Variants in UBE2G1 observed in about 807,000 individuals in gnomAD.
The protein encoded by UBE2G1 is ubiquitin conjugating enzyme E2 G1, also known as ubiquitin-conjugating enzyme E2 G1.
A neutral mutation model predicts 22.7 loss-of-function variants in UBE2G1; 5 were observed. That is an observed-to-expected ratio of 0.22 (90% confidence interval 0.12 to 0.46). The LOEUF (loss-of-function observed/expected upper bound fraction) is 0.46, where lower values mean the gene tolerates loss of function less well. UBE2G1 is among the 20% of genes least tolerant of loss of function. The probability of loss-of-function intolerance (pLI) is 0.99; values close to 1 mark genes in which losing one functional copy is unlikely to be tolerated. For missense variants in UBE2G1, 88 were observed against 203.9 expected (o/e 0.43, Z 3.46); for synonymous variants, 74 against 67.5 (o/e 1.10, Z -0.47).
intron 1 of UBE2G1, among the ~76,000 whole-genome samples, chr17:4,321,197 C>G (rs977262077): frequency 2.0e-5 from 3 of 152,098 alleles, no homozygotes; most frequent in Admixed American, 6.6e-5. Context: ...CCTTGTACAT[C>G]TGTGGAAGTA....
chr17:4,308,452 G>C (rs1263279782), intron 1 of UBE2G1, among the ~76,000 whole-genome samples: 1 of 152,116 alleles, frequency 6.6e-6, no homozygotes, highest in Non-Finnish European at 1.5e-5. Flanking sequence ...TTGAACCCGG[G>C]AGGCAAATGT....
At chr17:4,328,543 A>C (rs1422779229) in intron 1 of UBE2G1, among the ~76,000 whole-genome samples, 1 of 152,214 alleles carries the variant, frequency 6.6e-6, no homozygotes, top group African/African-American at 2.4e-5. Flanking sequence ...AAGGCGATAA[A>C]ATAAGAGGAT....
chr17:4,313,576 T>C (rs1158631879), intron 1 of UBE2G1, among the ~76,000 whole-genome samples: 1 of 152,186 alleles, frequency 6.6e-6, no homozygotes, highest in Non-Finnish European at 1.5e-5. Flanking sequence ...TTTATAGTTC[T>C]AAAGGAGGCA....
chr17:4,286,301 A>G (rs1303816169), intron 4 of UBE2G1, among the ~76,000 whole-genome samples: 1 of 151,234 alleles, frequency 6.6e-6, no homozygotes, highest in Admixed American at 6.6e-5. Flanking sequence ...GCTACTCGGG[A>G]GGCTGAGGCA....
intron 1 of UBE2G1, among the ~76,000 whole-genome samples, chr17:4,319,672 C>A (rs561866123): frequency 6.6e-6 from 1 of 151,758 alleles, no homozygotes; most frequent in Admixed American, 6.6e-5. Flanking sequence ...GAGGTCGAGG[C>A]TGCAGTGAGC....
At chr17:4,304,000 A>G (rs1715640504) in intron 2 of UBE2G1, among the ~76,000 whole-genome samples, 2 of 152,210 alleles carry the variant, frequency 1.3e-5, no homozygotes, top group African/African-American at 4.8e-5. Context: ...TGATACAGTG[A>G]TATCCAGGTT....
intron 2 of UBE2G1, among the ~76,000 whole-genome samples, chr17:4,304,892 T>G (rs1262631637): frequency 6.6e-6 from 1 of 151,936 alleles, no homozygotes; most frequent in Non-Finnish European, 1.5e-5. Context: ...CTCTACTCTC[T>G]CCATTCCACT....
intron 1 of UBE2G1, among the ~76,000 whole-genome samples, chr17:4,355,653 A>C (rs993468721): frequency 6.6e-6 from 1 of 150,786 alleles, no homozygotes; most frequent in African/African-American, 2.4e-5. Flanking sequence ...AAAAAAAAAA[A>C]AGAAAAAAAA....
At chr17:4,296,258 C>G (rs753665273) in intron 3 of UBE2G1, among the ~76,000 whole-genome samples, 1 of 152,020 alleles carries the variant, frequency 6.6e-6, no homozygotes, top group Non-Finnish European at 1.5e-5. Context: ...TCCACATGAT[C>G]TCTGTTTCTC....
intron 4 of UBE2G1, among the ~76,000 whole-genome samples, chr17:4,284,065 G>A (rs1968928606): frequency 6.6e-6 from 1 of 150,966 alleles, no homozygotes; most frequent in Non-Finnish European, 1.5e-5. Flanking sequence ...GCTGAGGTGG[G>A]AGAATCGCTT....
At chr17:4,284,569 C>G (rs898791430) in intron 4 of UBE2G1, among the ~76,000 whole-genome samples, 1 of 152,006 alleles carries the variant, frequency 6.6e-6, no homozygotes, top group South Asian at 2.1e-4. Context: ...CCACTGCATT[C>G]CAGCCTGGGC....
chr17:4,345,276 CAAAGGT>C (rs1418227424), intron 1 of UBE2G1, among the ~76,000 whole-genome samples: 1 of 152,088 alleles, frequency 6.6e-6, no homozygotes, highest in East Asian at 1.9e-4. Context: ...AATGTTTAGC[CAAAGGT>C]AATCTAATAA....
chr17:4,310,000 T>C (rs1463834976), intron 1 of UBE2G1, among the ~76,000 whole-genome samples: 1 of 152,184 alleles, frequency 6.6e-6, no homozygotes, highest in Non-Finnish European at 1.5e-5. Flanking sequence ...ATGTAAGTAA[T>C]ACAAAAGCAA....
chr17:4,362,614 A>C (rs1234935266), intron 1 of UBE2G1, among the ~76,000 whole-genome samples: 1 of 152,210 alleles, frequency 6.6e-6, no homozygotes, highest in Non-Finnish European at 1.5e-5. Flanking sequence ...GATATATTCT[A>C]CCAAGTAATT....
chr17:4,339,025 T>C (rs1385267343), intron 1 of UBE2G1, among the ~76,000 whole-genome samples: 1 of 152,200 alleles, frequency 6.6e-6, no homozygotes, highest in Non-Finnish European at 1.5e-5. Context: ...AATGGTATTA[T>C]CCACCTCTAT....
chr17:4,352,146 AC>A (rs1369790130), intron 1 of UBE2G1, among the ~76,000 whole-genome samples: 1 of 152,104 alleles, frequency 6.6e-6, no homozygotes, highest in Non-Finnish European at 1.5e-5. Context: ...GGATCATATG[AC>A]CCCACAGGCT....
chr17:4,326,845 A>G (rs1969508342), intron 1 of UBE2G1, among the ~76,000 whole-genome samples: 1 of 152,256 alleles, frequency 6.6e-6, no homozygotes, highest in Admixed American at 6.5e-5. Context: ...AAAAGGATAA[A>G]TATTGTATGA....
intron 4 of UBE2G1, among the ~76,000 whole-genome samples, chr17:4,286,810 G>A (rs1968969181): frequency 6.6e-6 from 1 of 152,166 alleles, no homozygotes; most frequent in Admixed American, 6.5e-5. Flanking sequence ...AGGAGGCCAA[G>A]GCGGGCAGAT....
intron 2 of UBE2G1, among the ~76,000 whole-genome samples, chr17:4,305,694 A>G (rs1969242028): frequency 2.0e-5 from 3 of 152,094 alleles, no homozygotes; most frequent in Non-Finnish European, 4.4e-5. Flanking sequence ...GGCGCCCGCC[A>G]CCATGCCCAG....
Sources: allele counts gnomAD v4.1 joint callset (sites outside exome capture counted in the v4.1 genomes callset), GRCh38; gene constraint gnomAD v4.1.1; transcripts MANE v1.5; gene names NCBI Gene and HGNC (gene_info 2026-07-23, HGNC 2026-07-21).